CUL4A: variants seen among roughly 807,000 people sequenced by gnomAD.
The protein encoded by CUL4A is cullin 4A, also known as cullin-4A.
A neutral mutation model predicts 95.5 loss-of-function variants in CUL4A; 16 were observed. That is an observed-to-expected ratio of 0.17 (90% CI 0.11 to 0.25). CUL4A has a LOEUF of 0.25. CUL4A is among the 10% of genes least tolerant of loss of function. The pLI, the probability that CUL4A is intolerant of heterozygous loss-of-function variation, is 1.00. For synonymous variants in CUL4A, 380 were observed against 353.1 expected (o/e 1.08, Z -0.85); for missense variants, 610 against 937.0 (o/e 0.65, Z 4.56).
intron 16 of CUL4A, among the ~76,000 whole-genome samples, chr13:113,254,478 C>CTTGGTGCCTTGGTAGGCACT (rs1395809401): frequency 6.6e-6 from 1 of 152,006 alleles, no homozygotes; most frequent in East Asian, 1.9e-4. Context: ...ACCAGTAGTC[C>CTTGGTGCCTTGGTAGGCACT]CAGCTACTCG....
chr13:113,231,401 G>T (rs2041304683), intron 5 of CUL4A, among the ~76,000 whole-genome samples: 1 of 152,188 alleles, frequency 6.6e-6, no homozygotes, highest in Admixed American at 6.5e-5. Context: ...TCCTGCTAGT[G>T]ATGGCTAGGA....
intron 8 of CUL4A, among the ~76,000 whole-genome samples, chr13:113,235,985 A>T (rs922469385): frequency 2.6e-5 from 4 of 151,598 alleles, no homozygotes; most frequent in Non-Finnish European, 5.9e-5. Context: ...AAAAAAAAAA[A>T]AGAAAATGAT....
chr13:113,245,389 CA>C, intron 14 of CUL4A, 152 bp downstream of exon 14: 1 of 703,088 alleles, frequency 1.4e-6, no homozygotes, highest in Non-Finnish European at 2.4e-6. Context: ...TAGCAAGACC[CA>C]GTCTCTACAA....
At chr13:113,228,173 C>A in intron 4 of CUL4A, 128 bp downstream of exon 4, 1 of 712,596 alleles carries the variant, frequency 1.4e-6, no homozygotes, top group Non-Finnish European at 2.4e-6. Context: ...TTGAACAGCA[C>A]GATGAGAAAA....
intron 3 of CUL4A, among the ~76,000 whole-genome samples, chr13:113,223,282 G>A (rs1299557485): frequency 1.3e-5 from 2 of 152,188 alleles, no homozygotes; most frequent in African/African-American, 4.8e-5. Context: ...GGCAGATGCT[G>A]AGATACTGTG....
chr13:113,224,334 C>T (rs1461821512), intron 3 of CUL4A, among the ~76,000 whole-genome samples: 1 of 151,158 alleles, frequency 6.6e-6, no homozygotes, highest in Non-Finnish European at 1.5e-5. Context: ...GCCTGGGTGA[C>T]AGAGCGAGAC....
chr13:113,243,006 C>T lies in CUL4A; in HGVS notation c.1074C>T (p.Asp358=), dbSNP rs3764124. Residue 358 remains aspartate (D), a synonymous_variant, in exon 11 of 20, where the codon GAC becomes GAT. Transcript: ENST00000375440. The part of the protein sequence containing the change: ...GTAIVINPEK[D]KDMVQDLLDF... ...CGATCGTAATCAATCCTGAGAAAGA[C>T]AAAGACATGGTCCAAGACCTGTTGG... 0.24 allele frequency: 386,104 copies of T among 1,611,472 alleles called. 50,226 individuals are homozygous for T. The highest frequency in any genetic ancestry group is 0.41 in the South Asian group (37,487 of 90,906).
At chr13:113,226,009 C>G (rs1246429953) in intron 3 of CUL4A, among the ~76,000 whole-genome samples, 1 of 152,214 alleles carries the variant, frequency 6.6e-6, no homozygotes, top group Non-Finnish European at 1.5e-5. Context: ...GCCCCTGTAG[C>G]TTTGGTCACA....
At chr13:113,228,991 G>A (rs1265144606) in intron 4 of CUL4A, among the ~76,000 whole-genome samples, 9 of 151,982 alleles carry the variant, frequency 5.9e-5, no homozygotes, top group Non-Finnish European at 1.3e-4. Context: ...AACCGGGTGG[G>A]GTGGTGGGCG....
chr13:113,242,356 T>C (rs949390899), intron 10 of CUL4A, among the ~76,000 whole-genome samples: 1 of 151,976 alleles, frequency 6.6e-6, no homozygotes, highest in Non-Finnish European at 1.5e-5. Flanking sequence ...TCCCAAGAGG[T>C]ATATTGAATT....
intron 5 of CUL4A, among the ~76,000 whole-genome samples, chr13:113,231,983 CCA>C: frequency 6.6e-6 from 1 of 150,790 alleles, no homozygotes; most frequent in Non-Finnish European, 1.5e-5. Flanking sequence ...AATACTACCA[CCA>C]CCACCCGCCT....
Position 113,209,734 on chromosome 13 carries a change from G to A in CUL4A, c.107G>A (p.Gly36Asp). ...GCCGCCGCGCCCGCCAAGCCGGGGG[G>A]CGCGGGCGGCTCCAAGAAGCTGGTC... ...ALAAAPAKPG[G>D]AGGSKKLVIK... The change falls in exon 1 of 20, where the codon GGC (glycine) becomes GAC (aspartate). Residue 36 changes from glycine to aspartate, a missense_variant. Coordinates refer to ENST00000375440, the MANE Select transcript of CUL4A (RefSeq NM_001008895.4). 3 of 1,166,780 alleles carry A rather than the reference G, an allele frequency of 2.6e-6. No homozygotes were observed. The highest frequency in any genetic ancestry group is 1.1e-6 in the Non-Finnish European group (1 of 946,468). 72.3% of individuals were successfully genotyped at this position (1,166,780 alleles called of 1,614,324 possible).
intron 14 of CUL4A, 60 bp downstream of exon 14, chr13:113,245,297 C>A: frequency 1.4e-6 from 2 of 1,451,918 alleles, no homozygotes; most frequent in South Asian, 1.2e-5. Context: ...TGTGGTGGCT[C>A]ATGCCTGTAA....
chr13:113,227,922 A>AG, intron 3 of CUL4A, 54 bp from the exon 4 acceptor site: 2 of 1,137,862 alleles, frequency 1.8e-6, no homozygotes, highest in South Asian at 1.3e-5. Context: ...AAAAAAAAAA[A>AG]GGTAATAATT....
upstream of CUL4A, chr13:113,208,745 G>T: frequency 6.7e-7 from 1 of 1,482,380 alleles, no homozygotes; most frequent in Non-Finnish European, 9.0e-7. Flanking sequence ...CCCGCCGCGG[G>T]TGCGCAGGTT....
intron 18 of CUL4A, among the ~76,000 whole-genome samples, chr13:113,256,792 T>G (rs543274770): frequency 1.3e-5 from 2 of 152,262 alleles, no homozygotes; most frequent in East Asian, 3.9e-4. Context: ...CTTTTTATGC[T>G]TAGCCATTTG....
At chr13:113,254,372 G>A (rs2042069219) in intron 16 of CUL4A, among the ~76,000 whole-genome samples, 1 of 152,196 alleles carries the variant, frequency 6.6e-6, no homozygotes, top group South Asian at 2.1e-4. Context: ...GCCGAGGTGG[G>A]TGGATCACAA....
At chr13:113,229,220 T>A (rs1037040749) in intron 4 of CUL4A, among the ~76,000 whole-genome samples, 1 of 152,030 alleles carries the variant, frequency 6.6e-6, no homozygotes, top group Admixed American at 6.5e-5. Context: ...CATTTTAGGC[T>A]AAGTGCGTTA....
intron 4 of CUL4A, among the ~76,000 whole-genome samples, chr13:113,228,531 A>G (rs1400497687): frequency 6.6e-6 from 1 of 152,140 alleles, no homozygotes; most frequent in African/African-American, 2.4e-5. Flanking sequence ...TGATATCAGT[A>G]GGAGACGATG....
Sources: gnomAD v4.1 joint callset for allele counts (sites outside exome capture counted in the v4.1 genomes callset) on GRCh38, gnomAD v4.1.1 for gene constraint, MANE v1.5 for transcripts, NCBI Gene and HGNC (gene_info 2026-07-23, HGNC 2026-07-21) for gene names.